LUZP2: variants seen among roughly 807,000 people sequenced by gnomAD.
LUZP2 encodes the protein leucine zipper protein 2.
Under a neutral mutation model 51.6 loss-of-function variants are expected in LUZP2, and 52 were observed. The ratio of observed to expected loss-of-function variants is 1.01; its 90% CI spans 0.81 to 1.27. LUZP2 has a LOEUF of 1.27. Among genes scored for constraint, LUZP2 ranks in the 50% most tolerant of loss-of-function variants. The probability of loss-of-function intolerance (pLI) is 0.00; values close to 1 mark genes in which losing one functional copy is unlikely to be tolerated. For missense variants in LUZP2, 436 were observed against 395.4 expected, an observed-to-expected ratio of 1.10 and a Z score of -0.87; for synonymous variants, 154 against 137.3, an observed-to-expected ratio of 1.12 and a Z score of -0.85.
chr11:24,825,860 T>A (rs906085197), intron 5 of LUZP2, among the ~76,000 whole-genome samples: 1 of 151,990 alleles, frequency 6.6e-6, no homozygotes, highest in African/African-American at 2.4e-5. Flanking sequence ...AGTTTGCAAC[T>A]CCACTATTAG....
intron 5 of LUZP2, among the ~76,000 whole-genome samples, chr11:24,897,539 C>T (rs1349853992): frequency 6.6e-6 from 1 of 152,102 alleles, no homozygotes; most frequent in Non-Finnish European, 1.5e-5. Flanking sequence ...CTGTAACACT[C>T]ACCGCGAAGG....
chr11:24,717,826 T>C (rs187639681), intron 1 of LUZP2, among the ~76,000 whole-genome samples: 43 of 151,796 alleles, frequency 2.8e-4, no homozygotes, highest in Non-Finnish European at 4.6e-4. Flanking sequence ...ATTTACCTCC[T>C]ACTTATAAAC....
At chr11:25,022,781 G>C (rs1257103440) in intron 9 of LUZP2, among the ~76,000 whole-genome samples, 4 of 152,054 alleles carry the variant, frequency 2.6e-5, no homozygotes, top group Non-Finnish European at 4.4e-5. Context: ...TAATGGCTAT[G>C]GGTTTGTCAT....
chr11:24,555,398 A>G (rs1851836902), intron 1 of LUZP2, among the ~76,000 whole-genome samples: 1 of 152,288 alleles, frequency 6.6e-6, no homozygotes, highest in South Asian at 2.1e-4. Flanking sequence ...ACAAACTTAC[A>G]ACTGCATGAA....
At chr11:24,892,468 G>T in intron 5 of LUZP2, 2 of 839,984 alleles carry the variant, frequency 2.4e-6, no homozygotes, top group Non-Finnish European at 2.9e-6. Flanking sequence ...TCCAGAAAAA[G>T]TTAAAATATA....
chr11:24,610,988 G>C (rs1854098851), intron 1 of LUZP2, among the ~76,000 whole-genome samples: 1 of 152,058 alleles, frequency 6.6e-6, no homozygotes, highest in Non-Finnish European at 1.5e-5. Context: ...GATTAAACCA[G>C]AGTTATACCT....
intron 5 of LUZP2, among the ~76,000 whole-genome samples, chr11:24,868,009 T>C (rs1482259987): frequency 1.3e-5 from 2 of 152,186 alleles, no homozygotes. Flanking sequence ...TTCTGATCCA[T>C]GGCCAGCATC....
In LUZP2 at chr11:25,025,021, A is replaced by G. The variant is rs1198258759; in HGVS notation, c.766-25017A>G. On this transcript the variant is annotated intron_variant, in intron 9 of 11. Coordinates refer to ENST00000336930, the MANE Select transcript of LUZP2 (RefSeq NM_001009909.4). ...TCTACAACCATCTGATCTTTGACAA[A>G]CCTGAGAAAAACAAGCAATGGGGAA... is the stretch of plus-strand genomic sequence containing the variant. Among the ~76,000 whole-genome samples the G allele has an allele frequency of 2.0e-5, 3 of 152,084 alleles. No homozygotes were observed. In the East Asian group the frequency reaches 5.8e-4, roughly 29 times the overall value.
chr11:24,728,493 G>GT (rs909346235), intron 1 of LUZP2, among the ~76,000 whole-genome samples: 7 of 151,796 alleles, frequency 4.6e-5, no homozygotes, highest in South Asian at 2.1e-4. Context: ...CTGTTTTCCT[G>GT]TTTTTTTCCC....
At chr11:24,628,369 A>G (rs1023001549) in intron 1 of LUZP2, among the ~76,000 whole-genome samples, 2 of 152,160 alleles carry the variant, frequency 1.3e-5, no homozygotes, top group African/African-American at 4.8e-5. Flanking sequence ...TGCCATGGAA[A>G]TGAGAATTGG....
At position 24,905,967 on chromosome 11, in the gene LUZP2, A is replaced by G. The variant is rs745984854; in HGVS notation, c.397-24A>G. 3.2e-6 allele frequency: 5 copies of G among 1,564,842 alleles called. No individual in the cohort carries two copies. In the East Asian group the frequency reaches 9.0e-5, roughly 28 times the overall value. On this transcript the variant is annotated intron_variant, in intron 5 of 11. Coordinates refer to ENST00000336930, the MANE Select transcript of LUZP2 (RefSeq NM_001009909.4). ...CTTAATATTTTGTCTCTTCTTTGCA[A>G]TAAAACTATGTTTTCTTCCTCAGAA...
intron 7 of LUZP2, among the ~76,000 whole-genome samples, chr11:24,965,669 T>A (rs752289788): frequency 7.9e-5 from 12 of 151,854 alleles, no homozygotes; most frequent in Non-Finnish European, 8.9e-5. Flanking sequence ...ATAAATTTTT[T>A]AATTAATACC....
chr11:24,897,467 C>T (rs1037125038), intron 5 of LUZP2, among the ~76,000 whole-genome samples: 5 of 151,984 alleles, frequency 3.3e-5, no homozygotes, highest in African/African-American at 7.2e-5. Flanking sequence ...ATGAACCCAC[C>T]GGGAGGAATG....
At chr11:24,512,034 G>T (rs553765942) in intron 1 of LUZP2, among the ~76,000 whole-genome samples, 1 of 152,284 alleles carries the variant, frequency 6.6e-6, no homozygotes, top group South Asian at 2.1e-4. Flanking sequence ...AGTGAATAAA[G>T]AAAGTTGAAG....
intron 5 of LUZP2, among the ~76,000 whole-genome samples, chr11:24,778,969 A>T (rs1849016651): frequency 1.3e-5 from 2 of 152,204 alleles, no homozygotes; most frequent in Non-Finnish European, 2.9e-5. Flanking sequence ...TATTTCAAAC[A>T]GGTGACTCTA....
intron 1 of LUZP2, among the ~76,000 whole-genome samples, chr11:24,623,275 A>G (rs1160652212): frequency 2.0e-5 from 3 of 152,208 alleles, no homozygotes; most frequent in East Asian, 1.9e-4. Context: ...GGACTTAAAG[A>G]GGATTGCAAA....
At chr11:24,786,164 G>A (rs1849239401) in intron 5 of LUZP2, 1 of 984,198 alleles carries the variant, frequency 1.0e-6, no homozygotes, top group Middle Eastern at 5.2e-4. Flanking sequence ...ATATGTCTCA[G>A]GGAAACCTAA....
chr11:24,913,524 C>T (rs1474645456), intron 6 of LUZP2, among the ~76,000 whole-genome samples: 3 of 152,090 alleles, frequency 2.0e-5, no homozygotes, highest in Non-Finnish European at 4.4e-5. Flanking sequence ...TTACCTAGGA[C>T]ATATTGCAGT....
chr11:24,771,552 T>C (rs1860419405), intron 5 of LUZP2, among the ~76,000 whole-genome samples: 1 of 151,334 alleles, frequency 6.6e-6, no homozygotes, highest in South Asian at 2.1e-4. Flanking sequence ...ATTGAGAATA[T>C]ATTAAGACCA....
Sources: allele counts gnomAD v4.1 joint callset (sites outside exome capture counted in the v4.1 genomes callset), GRCh38; gene constraint gnomAD v4.1.1; transcripts MANE v1.5; gene names NCBI Gene and HGNC (gene_info 2026-07-23, HGNC 2026-07-21).